The following ATE1 variants were observed in gnomAD, a reference collection of about 807,000 sequenced individuals.
The protein encoded by ATE1 is arginyltransferase 1.
Under a neutral mutation model 70.5 loss-of-function variants are expected in ATE1, and 36 were observed. The observed-to-expected ratio is 0.51, with a 90% confidence interval of 0.39 to 0.67. ATE1 has a LOEUF of 0.67. ATE1 is among the 30% of genes least tolerant of loss of function. The pLI is 0.00. For missense variants in ATE1, 593 were observed against 629.5 expected (o/e 0.94, Z 0.62); for synonymous variants, 232 against 219.3 (o/e 1.06, Z -0.51).
chr10:121,799,869 A>T (rs1018202796), intron 10 of ATE1, among the ~76,000 whole-genome samples: 5 of 152,210 alleles, frequency 3.3e-5, no homozygotes, highest in Non-Finnish European at 7.3e-5. Context: ...TATACAATTC[A>T]TCAGAAATAA....
intron 2 of ATE1, among the ~76,000 whole-genome samples, 177 bp from the exon 3 acceptor site, chr10:121,922,588 GA>G (rs1487715967): frequency 3.3e-5 from 5 of 152,144 alleles, no homozygotes; most frequent in Admixed American, 2.0e-4. Flanking sequence ...GCAAAGTTTA[GA>G]ACCCTGCCTT....
At chr10:121,853,354 T>A (rs1590504791) in intron 8 of ATE1, among the ~76,000 whole-genome samples, 1 of 101,052 alleles carries the variant, frequency 9.9e-6, no homozygotes, top group Admixed American at 1.3e-4. Context: ...AAAGTTAGAC[T>A]CTGTCTCAAA....
intron 8 of ATE1, among the ~76,000 whole-genome samples, chr10:121,858,677 A>ATTTTATATATATAATATATG (rs1564902080): frequency 7.8e-6 from 1 of 128,760 alleles, no homozygotes; most frequent in East Asian, 2.2e-4. Context: ...TATAATATAT[A>ATTTTATATATATAATATATG]TATTTTTATA....
At chr10:121,906,510 C>G (rs1951197165) in intron 5 of ATE1, among the ~76,000 whole-genome samples, 1 of 150,668 alleles carries the variant, frequency 6.6e-6, no homozygotes, top group Non-Finnish European at 1.5e-5. Flanking sequence ...GCCTGGGAGA[C>G]AGAGTAAGAC....
At position 121,927,889 on chromosome 10, in the gene ATE1, A is replaced by G; in HGVS notation, c.61T>C (p.Tyr21His). Residue 21 changes from tyrosine (Y) to histidine (H), a missense_variant, in exon 1 of 12, where the codon TAC becomes CAC. Around this residue, in one of 3 missense-constraint regions of ATE1, gnomAD observed 467 missense variants for 469.6 expected, o/e 0.99. Transcript: ENST00000224652. ...VVDYFPSEDF[Y>H]RCGYCKNESG... is the part of the protein sequence containing the mutation. ...TCGTTCTTGCAGTAGCCGCAGCGGT[A>G]GAAGTCCTCGCTAGGGAAATAGTCC... 6.3e-7 allele frequency: 1 copy of G among 1,592,756 alleles called. No individual in the cohort carries two copies. Among genetic ancestry groups the G allele is most frequent in the Non-Finnish European group, 8.5e-7 (1 of 1,172,354 alleles).
chr10:121,801,537 A>G (rs1946877793), intron 10 of ATE1, among the ~76,000 whole-genome samples: 1 of 104,474 alleles, frequency 9.6e-6, no homozygotes, highest in African/African-American at 3.5e-5. Flanking sequence ...ATGAAAGATG[A>G]AGACAAAGAA....
intron 5 of ATE1, among the ~76,000 whole-genome samples, chr10:121,906,211 T>C (rs527976370): frequency 1.6e-4 from 25 of 152,064 alleles, no homozygotes; most frequent in African/African-American, 5.8e-4. Context: ...CTGGGCAACA[T>C]AGCAAGACCT....
chr10:121,778,450 T>C (rs943820352), intron 11 of ATE1, among the ~76,000 whole-genome samples: 3 of 152,174 alleles, frequency 2.0e-5, no homozygotes, highest in African/African-American at 4.8e-5. Context: ...TTTATGTTCA[T>C]TGGGGGTTGG....
At chr10:121,915,027 A>C (rs916125131) in intron 3 of ATE1, among the ~76,000 whole-genome samples, 4 of 152,230 alleles carry the variant, frequency 2.6e-5, no homozygotes. Context: ...GGAATTTCCA[A>C]TGGAACACTG....
rs545375531 is a variant in ATE1, at chr10:121,785,517, T to G, written c.1378+4652A>C. Reference sequence around the variant, plus strand: ...GTCAGAGTGGGACTTACTTTTTCTGTGGGCATATGCTAGAGAAACTATGAA... The same window carrying G: ...GTCAGAGTGGGACTTACTTTTTCTGGGGGCATATGCTAGAGAAACTATGAA... On this transcript the variant is annotated intron_variant, in intron 11 of 11. Transcript: ENST00000224652. 2.0e-5 allele frequency among the ~76,000 whole-genome samples: 3 copies of G among 152,148 alleles called. No individual in the cohort carries two copies. The East Asian group carries it at 5.8e-4, about 29-fold the overall frequency.
chr10:121,827,973 C>T (rs1049508006), intron 10 of ATE1, among the ~76,000 whole-genome samples: 1 of 152,220 alleles, frequency 6.6e-6, no homozygotes, highest in Non-Finnish European at 1.5e-5. Context: ...TGTCTATATA[C>T]TATGACGATG....
chr10:121,852,008 T>G (rs145441219), intron 8 of ATE1, among the ~76,000 whole-genome samples: 155 of 152,368 alleles, frequency 1.0e-3, no homozygotes, highest in African/African-American at 3.5e-3. Context: ...TTTACTGTGA[T>G]AAAGTAGACC....
At chr10:121,860,692 C>T (rs994264477) in intron 8 of ATE1, among the ~76,000 whole-genome samples, 23 of 152,106 alleles carry the variant, frequency 1.5e-4, no homozygotes, top group African/African-American at 5.1e-4. Context: ...AATATCAGGA[C>T]GTTGTTATTT....
intron 10 of ATE1, among the ~76,000 whole-genome samples, chr10:121,805,792 A>G (rs879262804): frequency 4.6e-5 from 7 of 152,210 alleles, no homozygotes; most frequent in Non-Finnish European, 8.8e-5. Context: ...CTGGCAAAAG[A>G]TTGTGGGCAA....
At chr10:121,921,153 C>A (rs1951867409) in intron 3 of ATE1, among the ~76,000 whole-genome samples, 2 of 151,626 alleles carry the variant, frequency 1.3e-5, no homozygotes, top group African/African-American at 2.4e-5. Context: ...CTGAGGTTTG[C>A]AATATGGATG....
At chr10:121,918,720 C>G (rs776512881) in intron 3 of ATE1, among the ~76,000 whole-genome samples, 4 of 148,098 alleles carry the variant, frequency 2.7e-5, no homozygotes, top group Non-Finnish European at 5.9e-5. Context: ...TCATTCTATT[C>G]TTTGTGTAAT....
intron 8 of ATE1, among the ~76,000 whole-genome samples, chr10:121,851,090 CAAAAAAAAAAAAAAAAAAAAAA>C (rs10603053): frequency 1.2e-4 from 5 of 43,220 alleles, no homozygotes; most frequent in Admixed American, 5.0e-4. Flanking sequence ...GACTCCATCT[CAAAAAAAAAAAAAAAAAAAAAA>C]AAAAAAAAAA....
chr10:121,922,278 C>G, intron 3 of ATE1, 71 bp downstream of exon 3: 1 of 1,095,428 alleles, frequency 9.1e-7, no homozygotes, highest in Non-Finnish European at 1.3e-6. Flanking sequence ...TAAAAAAGCA[C>G]AAGAGACTAC....
intron 11 of ATE1, among the ~76,000 whole-genome samples, chr10:121,783,471 T>C (rs1946079201): frequency 6.6e-6 from 1 of 152,116 alleles, no homozygotes; most frequent in Admixed American, 6.5e-5. Context: ...TTTATACACT[T>C]CGACAGCTCA....
Sources: gnomAD v4.1 joint callset for allele counts (sites outside exome capture counted in the v4.1 genomes callset) on GRCh38, gnomAD v4.1.1 for gene constraint, gnomAD v4.1.1 regional missense constraint, MANE v1.5 for transcripts, NCBI Gene and HGNC (gene_info 2026-07-23, HGNC 2026-07-21) for gene names.